Variants in SORCS2 observed in about 807,000 individuals in gnomAD.
SORCS2 encodes VPS10 domain-containing receptor SorCS2.
In SORCS2, 100 loss-of-function variants were observed where a neutral mutation model predicts 141.6. The ratio of observed to expected loss-of-function variants is 0.71; its 90% CI spans 0.60 to 0.83. The LOEUF is 0.83. Among genes scored for constraint, SORCS2 ranks in the 40% least tolerant of loss-of-function variants. The probability of loss-of-function intolerance (pLI) is 0.00; values close to 1 mark genes in which losing one functional copy is unlikely to be tolerated. For synonymous variants in SORCS2, 789 were observed against 676.9 expected (o/e 1.17, Z -2.57); for missense variants, 1,646 against 1,560.2 (o/e 1.05, Z -0.93).
intron 3 of SORCS2, among the ~76,000 whole-genome samples, chr4:7,615,568 A>G (rs1287301160): frequency 1.3e-5 from 2 of 151,946 alleles, no homozygotes; most frequent in South Asian, 2.1e-4. Context: ...CACCACCTCC[A>G]CCTCCACTCT....
intron 1 of SORCS2, among the ~76,000 whole-genome samples, chr4:7,332,199 C>T (rs1211307480): frequency 6.6e-6 from 1 of 152,228 alleles, no homozygotes; most frequent in South Asian, 2.1e-4. Flanking sequence ...GGCCTGCTGC[C>T]CTGATGTGGG....
chr4:7,702,279 G>T (rs1050897899), intron 12 of SORCS2, among the ~76,000 whole-genome samples: 1 of 152,212 alleles, frequency 6.6e-6, no homozygotes, highest in Non-Finnish European at 1.5e-5. Context: ...AGGAGGGGCG[G>T]TATGGGGCGA....
rs1577356375 is a variant in SORCS2, at chr4:7,286,371, G to T, written c.480+93245G>T. Among the ~76,000 whole-genome samples, 1 of 152,314 alleles carries T rather than the reference G, an allele frequency of 6.6e-6. No individual in the cohort carries two copies. The highest frequency in any genetic ancestry group is 3.4e-3 in the Middle Eastern group (1 of 294). The stretch of plus-strand genomic sequence containing the variant: ...GGGGTGGCTCTGGGGCTGGGTTGGG[G>T]AGCTACCTACTTTGGCCAGAACGGA... On this transcript the variant is annotated intron_variant, in intron 1 of 26. Transcript: ENST00000507866. The surrounding 1 kb of genome is among the most constrained non-coding windows in gnomAD (Gnocchi z 4.1).
chr4:7,410,934 C>T (rs1466753303), intron 2 of SORCS2, among the ~76,000 whole-genome samples: 1 of 148,768 alleles, frequency 6.7e-6, no homozygotes, highest in Non-Finnish European at 1.5e-5. Flanking sequence ...GGCCCAGCAG[C>T]CTCTTCTCTC....
intron 3 of SORCS2, among the ~76,000 whole-genome samples, chr4:7,580,356 G>T (rs1480496304): frequency 6.6e-6 from 1 of 152,012 alleles, no homozygotes; most frequent in Non-Finnish European, 1.5e-5. Context: ...TAAGCATGGT[G>T]GTGCACGTTT....
intron 1 of SORCS2, among the ~76,000 whole-genome samples, chr4:7,225,276 C>T (rs531368168): frequency 6.6e-6 from 1 of 152,302 alleles, no homozygotes; most frequent in Non-Finnish European, 1.5e-5. Flanking sequence ...TGGATGCCTG[C>T]GTCCAGCCCA....
Position 7,192,903 on chromosome 4 carries a change from C to T in SORCS2, c.257C>T (p.Ala86Val). Reference protein sequence around the residue: ...AEPGGGEDRQARGTEPGAPGP... With the variant: ...AEPGGGEDRQVRGTEPGAPGP... ...CCCGGTGGCGGCGAGGACCGGCAGG[C>T]GCGCGGCACGGAGCCAGGCGCCCCG... Residue 86 changes from alanine to valine, a missense_variant, in exon 1 of 27, where the codon GCG (alanine) becomes GTG (valine). Coordinates refer to ENST00000507866, the MANE Select transcript of SORCS2 (RefSeq NM_020777.3). The surrounding 1 kb of genome is among the most constrained non-coding windows in gnomAD (Gnocchi z 4.0). 1.6e-5 allele frequency: 19 copies of T among 1,164,272 alleles called. No homozygotes were observed. The highest frequency in any genetic ancestry group is 2.0e-5 in the Non-Finnish European group (19 of 945,850). 72.1% of individuals were successfully genotyped at this position (1,164,272 alleles called of 1,614,324 possible).
chr4:7,316,253 T>TCCATCCATCCAC (rs1409006663), intron 1 of SORCS2, among the ~76,000 whole-genome samples: 1 of 151,472 alleles, frequency 6.6e-6, no homozygotes. Flanking sequence ...CATCCATCCA[T>TCCATCCATCCAC]GCATCCATTC....
intron 14 of SORCS2, among the ~76,000 whole-genome samples, chr4:7,706,046 TGGGCTCCGCCTGGGCAGGGATGAGGC>T (rs1725414834): frequency 6.8e-6 from 1 of 147,804 alleles, no homozygotes; most frequent in Non-Finnish European, 1.5e-5. Flanking sequence ...GGGATGAGGC[TGGGCTCCGCCTGGGCAGGGATGAGGC>T]TGGGCTCTGC....
intron 1 of SORCS2, among the ~76,000 whole-genome samples, chr4:7,277,980 C>T (rs6831675): frequency 0.63 from 96,264 of 152,072 alleles, 30,830 homozygotes; most frequent in Middle Eastern, 0.71. Flanking sequence ...GTCTTGGCTT[C>T]GCTTGTGGAT....
intron 1 of SORCS2, among the ~76,000 whole-genome samples, chr4:7,238,597 G>T (rs1434318285): frequency 6.6e-6 from 1 of 152,174 alleles, no homozygotes; most frequent in Non-Finnish European, 1.5e-5. Flanking sequence ...GTGTGTGTGT[G>T]CAAGTGGCAT....
At chr4:7,569,514 G>T (rs1239217041) in intron 3 of SORCS2, among the ~76,000 whole-genome samples, 2 of 151,956 alleles carry the variant, frequency 1.3e-5, no homozygotes, top group Non-Finnish European at 2.9e-5. Context: ...AGACTCCGTC[G>T]CAAAAAAGAA....
chr4:7,606,311 C>T (rs1718059634), intron 3 of SORCS2, among the ~76,000 whole-genome samples: 1 of 152,056 alleles, frequency 6.6e-6, no homozygotes, highest in Non-Finnish European at 1.5e-5. Context: ...TGGAGAATAT[C>T]CACTCAAACC....
At position 7,666,155 on chromosome 4, in the gene SORCS2, G is replaced by A. The variant is rs376147850; in HGVS notation, c.1072-969G>A. Among the ~76,000 whole-genome samples, 8 of 152,120 alleles carry A rather than the reference G, an allele frequency of 5.3e-5. No individual in the cohort carries two copies. The South Asian group carries it at 6.2e-4, about 12-fold the overall frequency. On this transcript the variant is annotated intron_variant, in intron 7 of 26. Coordinates refer to ENST00000507866, the MANE Select transcript of SORCS2 (RefSeq NM_020777.3). ...GGAGACTCAGGGGGAGGCAGGAGCC[G>A]GGCAGTAAAGCAGCAGCCCTTGCTC...
intron 1 of SORCS2, among the ~76,000 whole-genome samples, chr4:7,280,118 C>T (rs915038608): frequency 5.3e-5 from 8 of 152,160 alleles, no homozygotes; most frequent in Non-Finnish European, 1.2e-4. Context: ...TTTTGGGTGG[C>T]ATGACTCATA....
At chr4:7,411,241 A>G (rs769791772) in intron 2 of SORCS2, among the ~76,000 whole-genome samples, 1 of 151,880 alleles carries the variant, frequency 6.6e-6, no homozygotes, top group Non-Finnish European at 1.5e-5. Context: ...GGCATGAGCC[A>G]CTGCGCCTGG....
intron 1 of SORCS2, among the ~76,000 whole-genome samples, chr4:7,368,315 A>G (rs1199784126): frequency 6.6e-6 from 1 of 152,242 alleles, no homozygotes; most frequent in Non-Finnish European, 1.5e-5. Flanking sequence ...GGCCAAAAGC[A>G]TGTTAACTAA....
At chr4:7,432,614 TCTG>T (rs1726951432) in intron 2 of SORCS2, 1 of 152,076 alleles carries the variant, frequency 6.6e-6, no homozygotes, top group Non-Finnish European at 1.5e-5. Context: ...AGACTTTCCT[TCTG>T]CTCATTACCA....
chr4:7,367,531 G>A (rs540361304), intron 1 of SORCS2, among the ~76,000 whole-genome samples: 32 of 152,306 alleles, frequency 2.1e-4, no homozygotes, highest in African/African-American at 6.0e-4. Flanking sequence ...ACACAGCAAC[G>A]GCGCCCGGGA....
Sources: allele counts gnomAD v4.1 joint callset (sites outside exome capture counted in the v4.1 genomes callset), GRCh38; gene constraint gnomAD v4.1.1; non-coding constraint Gnocchi (gnomAD v3.1); transcripts MANE v1.5; gene names NCBI Gene and HGNC (gene_info 2026-07-23, HGNC 2026-07-21).